The following CDH13 variants were observed in gnomAD, a reference collection of about 807,000 sequenced individuals.
CDH13 encodes the protein cadherin-13.
A neutral mutation model predicts 63.8 loss-of-function variants in CDH13; 24 were observed. That is an observed-to-expected ratio of 0.38 (90% CI 0.27 to 0.53). The LOEUF is 0.53. CDH13 is among the 20% of genes least tolerant of loss of function. CDH13 has a pLI of 0.85. For synonymous variants in CDH13, 503 were observed against 355.3 expected, an observed-to-expected ratio of 1.42 and a Z score of -4.67; for missense variants, 1,049 against 903.1, an observed-to-expected ratio of 1.16 and a Z score of -2.07.
intron 6 of CDH13, among the ~76,000 whole-genome samples, chr16:83,356,037 C>T (rs778160443): frequency 6.6e-6 from 1 of 152,108 alleles, no homozygotes; most frequent in South Asian, 2.1e-4. Context: ...AAGCTCAGAT[C>T]GAAACTCAGA....
rs913844190 is a variant in CDH13 at position 82,873,900 on chromosome 16, G to T, written c.157+15427G>T. On this transcript the variant is annotated intron_variant, in intron 2 of 13. Coordinates refer to ENST00000567109, the MANE Select transcript of CDH13 (RefSeq NM_001257.5). ...CTTTTAAGTATTTTCATGTTCTAGGGATACTTGTTCTCCCCCACCCCTGAC... is the reference window on the plus strand; with the variant it reads ...CTTTTAAGTATTTTCATGTTCTAGGTATACTTGTTCTCCCCCACCCCTGAC... 2.0e-5 allele frequency among the ~76,000 whole-genome samples: 3 copies of T among 151,998 alleles called. No homozygotes were observed. The East Asian group carries it at 5.8e-4, about 29-fold the overall frequency.
chr16:83,408,127 C>T (rs937114814), intron 6 of CDH13, among the ~76,000 whole-genome samples: 3 of 152,200 alleles, frequency 2.0e-5, no homozygotes, highest in African/African-American at 4.8e-5. Flanking sequence ...TGTACCCGGT[C>T]TCATTCTCCT....
At chr16:83,727,530 C>A (rs1910552591) in intron 10 of CDH13, among the ~76,000 whole-genome samples, 1 of 151,598 alleles carries the variant, frequency 6.6e-6, no homozygotes, top group Non-Finnish European at 1.5e-5. Flanking sequence ...ATCACCACTG[C>A]GGCAGTGGGT....
intron 2 of CDH13, among the ~76,000 whole-genome samples, chr16:82,865,017 A>G (rs1254039508): frequency 2.0e-5 from 3 of 152,218 alleles, no homozygotes; most frequent in Non-Finnish European, 4.4e-5. Context: ...GGGCAGATAA[A>G]TCTTAAAGCT....
chr16:83,760,732 A>G (rs961453185), intron 11 of CDH13, among the ~76,000 whole-genome samples: 2 of 152,210 alleles, frequency 1.3e-5, no homozygotes, highest in Non-Finnish European at 2.9e-5. Flanking sequence ...AAATTCTTCA[A>G]ACTGTGTGTT....
chr16:83,525,423 G>A (rs986317855), intron 7 of CDH13, among the ~76,000 whole-genome samples: 2 of 152,122 alleles, frequency 1.3e-5, no homozygotes, highest in Admixed American at 1.3e-4. Context: ...GCTGGAATTT[G>A]TAAACAGGTT....
At chr16:82,692,673 T>C (rs1915756621) in intron 1 of CDH13, among the ~76,000 whole-genome samples, 1 of 152,142 alleles carries the variant, frequency 6.6e-6, no homozygotes, top group African/African-American at 2.4e-5. Context: ...CTTGAATAGG[T>C]GATATGGCAG....
intron 1 of CDH13, among the ~76,000 whole-genome samples, chr16:82,726,969 G>A (rs1001421890): frequency 6.6e-6 from 1 of 152,166 alleles, no homozygotes; most frequent in Non-Finnish European, 1.5e-5. Flanking sequence ...CTTTGATGAT[G>A]AACAAGTCCA....
intron 5 of CDH13, 133 bp downstream of exon 5, chr16:83,217,630 G>A (rs2039577479): frequency 1.1e-6 from 1 of 872,252 alleles, no homozygotes. Flanking sequence ...GTTTCTGTGG[G>A]AGCTGAAGTG....
At chr16:83,682,573 G>A (rs937352092) in intron 10 of CDH13, among the ~76,000 whole-genome samples, 9 of 152,156 alleles carry the variant, frequency 5.9e-5, no homozygotes, top group Admixed American at 1.3e-4. Context: ...GATTGACTGT[G>A]TTGGCTGTGC....
chr16:83,117,492 T>C (rs556873071), intron 3 of CDH13, among the ~76,000 whole-genome samples: 1 of 152,260 alleles, frequency 6.6e-6, no homozygotes, highest in African/African-American at 2.4e-5. Context: ...TCCCTGCTGA[T>C]CTTTTTTCTC....
chr16:83,161,352 C>G, intron 4 of CDH13, among the ~76,000 whole-genome samples: 1 of 151,968 alleles, frequency 6.6e-6, no homozygotes, highest in East Asian at 1.9e-4. Flanking sequence ...AAGAAATCAT[C>G]AAATAAATAA....
intron 1 of CDH13, among the ~76,000 whole-genome samples, chr16:82,835,504 C>T (rs2038728781): frequency 4.6e-5 from 7 of 152,204 alleles, no homozygotes; most frequent in Admixed American, 4.6e-4. Flanking sequence ...AAAGTGAATT[C>T]AGTTGCTGTA....
At chr16:83,409,719 C>A (rs536747291) in intron 6 of CDH13, among the ~76,000 whole-genome samples, 9 of 152,336 alleles carry the variant, frequency 5.9e-5, no homozygotes, top group Non-Finnish European at 1.3e-4. Flanking sequence ...TCAAACAGGA[C>A]CAATAAATCA....
intron 1 of CDH13, among the ~76,000 whole-genome samples, chr16:82,818,377 A>G (rs896970192): frequency 3.3e-5 from 5 of 152,340 alleles, no homozygotes; most frequent in Admixed American, 3.3e-4. Flanking sequence ...AGATGTTAAC[A>G]GAAAGAGAGC....
chr16:83,257,626 G>T lies in CDH13; in HGVS notation c.636+40129G>T, dbSNP rs540793379. On this transcript the variant is annotated intron_variant, in intron 5 of 13. Coordinates refer to ENST00000567109, the MANE Select transcript of CDH13 (RefSeq NM_001257.5). ...TTATTTGTGGCTGTGTAGTAGTATT[G>T]TGTGGCGTATATGTACCACCTTTTC... is the stretch of plus-strand genomic sequence containing the variant. Among the ~76,000 whole-genome samples, 10 of 152,306 alleles carry T rather than the reference G, an allele frequency of 6.6e-5. No homozygotes were observed. The South Asian group carries it at 1.9e-3, about 28-fold the overall frequency.
At chr16:83,514,504 G>C (rs1391518989) in intron 7 of CDH13, among the ~76,000 whole-genome samples, 1 of 152,058 alleles carries the variant, frequency 6.6e-6, no homozygotes, top group East Asian at 1.9e-4. Context: ...AATTAGCCGG[G>C]CATGGTGGTG....
At chr16:83,486,417 G>T in intron 6 of CDH13, 60 bp from the exon 7 acceptor site, 1 of 1,479,376 alleles carries the variant, frequency 6.8e-7, no homozygotes, top group Non-Finnish European at 9.3e-7. Context: ...TGGGGAAGGG[G>T]CTCTGGCCGT....
At chr16:83,559,765 C>G (rs566092322) in intron 7 of CDH13, among the ~76,000 whole-genome samples, 5 of 152,274 alleles carry the variant, frequency 3.3e-5, no homozygotes, top group African/African-American at 1.2e-4. Context: ...AAGCAACTTT[C>G]TTACTGTCAC....
Sources: allele counts gnomAD v4.1 joint callset (sites outside exome capture counted in the v4.1 genomes callset), GRCh38; gene constraint gnomAD v4.1.1; transcripts MANE v1.5; gene names NCBI Gene and HGNC (gene_info 2026-07-23, HGNC 2026-07-21).